Variants in TUBGCP6 observed in about 807,000 individuals in gnomAD.
TUBGCP6 encodes gamma-tubulin complex component 6.
A neutral mutation model predicts 175.8 loss-of-function variants in TUBGCP6; 161 were observed. The ratio of observed to expected loss-of-function variants is 0.92; its 90% confidence interval spans 0.81 to 1.04. The LOEUF (loss-of-function observed/expected upper bound fraction) is 1.04. TUBGCP6 is among the 50% of genes least tolerant of loss of function. TUBGCP6 has a pLI of 0.00. For missense variants in TUBGCP6, 2,572 were observed against 2,433.0 expected (o/e 1.06, Z -1.20); for synonymous variants, 1,173 against 1,030.5 (o/e 1.14, Z -2.65).
At chr22:50,218,163 G>A (rs1447639965) in intron 23 of TUBGCP6, 26 bp downstream of exon 23, 13 of 1,610,022 alleles carry the variant, frequency 8.1e-6, no homozygotes, top group East Asian at 4.5e-5. Context: ...GTGACCACAG[G>A]GACGCAGCCG....
rs62239325 is a variant in TUBGCP6 at position 50,227,658 on chromosome 22, T to C, written c.1412+249A>G. ...ACGCCACATCTCCAGGGACCCTGTG[T>C]GCCAATTAGGCAGGAGCCACCGGAC... On this transcript the variant is annotated intron_variant, in intron 5 of 24. Transcript: ENST00000248846. Among the ~76,000 whole-genome samples, 12,207 of 152,282 alleles carry C rather than the reference T, an allele frequency of 0.08. 610 individuals are homozygous for C. Among genetic ancestry groups the C allele is most frequent in the Admixed American group, 0.11 (1,734 of 15,298 alleles).
In TUBGCP6 at chr22:50,224,322, T is replaced by C; in HGVS notation, c.2154+10A>G. On this transcript the variant is annotated intron_variant, in intron 12 of 24. Transcript: ENST00000248846. ...ACAGGCGTGACCCCGCAGGGACAGG[T>C]CCTACCCACCTCCTGGTCCTTCACA... The C allele has an allele frequency of 3.7e-6, 6 of 1,614,168 alleles. No homozygotes were observed. Among genetic ancestry groups the C allele is most frequent in the Non-Finnish European group, 5.1e-6 (6 of 1,180,028 alleles).
chr22:50,219,663 C>T lies in TUBGCP6; in HGVS notation c.4296G>A (p.Pro1432=), dbSNP rs764384771. 18 of 1,613,558 alleles carry T rather than the reference C, an allele frequency of 1.1e-5. No homozygotes were observed. The highest frequency in any genetic ancestry group is 3.3e-5 in the South Asian group (3 of 91,090). ...LAGQYHLERY[P]DSYESMSEPP... is the part of the protein sequence containing the mutation. ...ACTCACACATGGACTCGTAACTGTC[C>T]GGGTACCGCTCCAAGTGGTACTGCC... Residue 1432 remains proline (P), a synonymous_variant, in exon 18 of 25, where the codon CCG becomes CCA. Coordinates refer to ENST00000248846, the MANE Select transcript of TUBGCP6 (RefSeq NM_020461.4).
rs750769325 is a variant in TUBGCP6 at position 50,240,185 on chromosome 22, G to A, written c.905+19C>T. On this transcript the variant is annotated intron_variant, in intron 2 of 24. Coordinates refer to ENST00000248846, the MANE Select transcript of TUBGCP6 (RefSeq NM_020461.4). Reference sequence around the variant, plus strand: ...CAGGGGTAGGGGCACTGCATGCCAAGGCAAAGAAGGGCACACACCAGCCAA... The same window carrying A: ...CAGGGGTAGGGGCACTGCATGCCAAAGCAAAGAAGGGCACACACCAGCCAA... 1 of 1,612,944 alleles carries A rather than the reference G, an allele frequency of 6.2e-7. No homozygotes were observed. The highest frequency in any genetic ancestry group is 1.7e-5 in the Admixed American group (1 of 60,004).
At position 50,220,568 on chromosome 22, in the gene TUBGCP6, G is replaced by T; in HGVS notation, c.3791C>A (p.Pro1264Gln). 1 of 1,613,656 alleles carries T rather than the reference G, an allele frequency of 6.2e-7. No individual in the cohort carries two copies. Among genetic ancestry groups the T allele is most frequent in the East Asian group, 2.2e-5 (1 of 44,876 alleles). Residue 1264 changes from proline (P) to glutamine (Q), a missense_variant, in exon 16 of 25, where the codon CCA becomes CAA. Pro to Gln is a moderately conservative substitution (Grantham distance 76). Transcript: ENST00000248846. Reference protein sequence around the residue: ...EPVSDVVSTRPRWNTHVPIPP... With the variant: ...EPVSDVVSTRQRWNTHVPIPP... Reference sequence around the variant, plus strand: ...GATGGGTACATGGGTGTTCCACCGTGGCCGGGTGGAAACCACATCCGACAC... The same window carrying T: ...GATGGGTACATGGGTGTTCCACCGTTGCCGGGTGGAAACCACATCCGACAC...
At chr22:50,222,286 C>T (rs2064539832) in intron 14 of TUBGCP6, among the ~76,000 whole-genome samples, 168 bp downstream of exon 14, 1 of 152,194 alleles carries the variant, frequency 6.6e-6, no homozygotes, top group African/African-American at 2.4e-5. Context: ...TCCTCACCAC[C>T]TGTATCTGTG....
intron 2 of TUBGCP6, among the ~76,000 whole-genome samples, chr22:50,235,246 A>G (rs866244458): frequency 6.6e-6 from 1 of 152,088 alleles, no homozygotes; most frequent in South Asian, 2.1e-4. Flanking sequence ...CCATGGCAGC[A>G]TCCACATCCC....
At position 50,235,038 on chromosome 22, in the gene TUBGCP6, C is replaced by T. The variant is rs2064752905; in HGVS notation, c.906-1512G>A. ...AGCATCCACCCCCTGTCCACGGCAG[C>T]ATCAGCCACACCCCTGTCCACAGCA... On this transcript the variant is annotated intron_variant, in intron 2 of 24. Coordinates refer to ENST00000248846, the MANE Select transcript of TUBGCP6 (RefSeq NM_020461.4). Among the ~76,000 whole-genome samples the T allele has an allele frequency of 2.0e-5, 3 of 151,178 alleles. No homozygotes were observed. In the South Asian group the frequency reaches 6.3e-4, roughly 32 times the overall value.
At chr22:50,228,759 T>TC (rs1477548189) in intron 4 of TUBGCP6, among the ~76,000 whole-genome samples, 5 of 151,654 alleles carry the variant, frequency 3.3e-5, no homozygotes, top group Non-Finnish European at 7.4e-5. Context: ...AACCTACACC[T>TC]CACCACATCA....
At position 50,224,242 on chromosome 22, in the gene TUBGCP6, G is replaced by A; in HGVS notation, c.2169C>T (p.Ala723=). 6.2e-7 allele frequency: 1 copy of A among 1,614,132 alleles called. No individual in the cohort carries two copies. The highest frequency in any genetic ancestry group is 8.5e-7 in the Non-Finnish European group (1 of 1,180,044). The stretch of plus-strand genomic sequence containing the variant: ...AGTCATCATCCAGCTCCTCCTGCCT[G>A]GCCGCCTGGCGTCGCTATAAAACAC... ...FVKDQERRQA[A]RQEELDDDFS... The change falls in exon 13 of 25, where the codon GCC becomes GCT. Residue 723 remains alanine, a synonymous_variant. Transcript: ENST00000248846.
intron 1 of TUBGCP6, among the ~76,000 whole-genome samples, chr22:50,242,682 G>A (rs1022169613): frequency 1.3e-5 from 2 of 152,214 alleles, no homozygotes; most frequent in African/African-American, 4.8e-5. Flanking sequence ...AAAGCCTCAG[G>A]CGACAGACAG....
intron 14 of TUBGCP6, 124 bp from the exon 15 acceptor site, chr22:50,222,226 G>T: frequency 8.4e-7 from 1 of 1,189,814 alleles, no homozygotes; most frequent in Non-Finnish European, 1.2e-6. Context: ...GGCTTGTGCT[G>T]GGCTCCAGTG....
Position 50,224,221 on chromosome 22 carries a change from A to G in TUBGCP6, c.2190T>C (p.Asp730=), listed in dbSNP as rs1418830857. The change falls in exon 13 of 25, where the codon GAT becomes GAC. Residue 730 remains aspartate (D), a synonymous_variant. Coordinates refer to ENST00000248846, the MANE Select transcript of TUBGCP6 (RefSeq NM_020461.4). ...RQAARQEELD[D]DFSYARELRD... Reference sequence around the variant, plus strand: ...GGAGTTCACGGGCGTAGCTGAAGTCATCATCCAGCTCCTCCTGCCTGGCCG... The same window carrying G: ...GGAGTTCACGGGCGTAGCTGAAGTCGTCATCCAGCTCCTCCTGCCTGGCCG... 2 of 1,614,160 alleles carry G rather than the reference A, an allele frequency of 1.2e-6. No homozygotes were observed. Among genetic ancestry groups the G allele is most frequent in the Non-Finnish European group, 8.5e-7 (1 of 1,180,040 alleles).
intron 4 of TUBGCP6, among the ~76,000 whole-genome samples, 194 bp downstream of exon 4, chr22:50,229,210 C>T (rs1438778879): frequency 6.6e-6 from 1 of 152,194 alleles, no homozygotes; most frequent in African/African-American, 2.4e-5. Flanking sequence ...CACACATCTG[C>T]CCCAAGTTTC....
At position 50,221,801 on chromosome 22, in the gene TUBGCP6, G is replaced by A. The variant is rs758040143; in HGVS notation, c.2558C>T (p.Pro853Leu). Residue 853 changes from proline (P) to leucine (L), a missense_variant, in exon 16 of 25, where the codon CCT becomes CTT. Pro to Leu is a moderately conservative substitution (Grantham distance 98, BLOSUM62 -3). Transcript: ENST00000248846. ...CDSGSAEQHS[P>L]AWDGWNRPGL... ...TGGCCTGTTCCAGCCATCCCAGGCA[G>A]GCGAGTGTTGCTCTGCAGACCCAGA... 4.0e-6 allele frequency: 6 copies of A among 1,511,804 alleles called. No homozygotes were observed. The South Asian group carries it at 5.4e-5, about 13-fold the overall frequency. 93.6% of individuals were successfully genotyped at this position (1,511,804 alleles called of 1,614,324 possible). A position where few individuals can be genotyped will look rare whatever the true frequency, so the allele number is the denominator to read the frequency against.
Position 50,220,804 on chromosome 22 carries a change from C to T in TUBGCP6, c.3555G>A (p.Trp1185Ter), listed in dbSNP as rs1429923697. 6.2e-7 allele frequency: 1 copy of T among 1,601,252 alleles called. No individual in the cohort carries two copies. The highest frequency in any genetic ancestry group is 8.5e-7 in the Non-Finnish European group (1 of 1,175,696). The change falls in exon 16 of 25, where the codon TGG becomes TGA. Residue 1185 changes from tryptophan (W) to a stop codon, truncating the protein, a stop_gained. Coordinates refer to ENST00000248846, the MANE Select transcript of TUBGCP6 (RefSeq NM_020461.4). LOFTEE classifies it high-confidence loss of function. Reference protein sequence around the residue: ...VSDMAPARPRWNTHGHVSDAS... With the variant: ...VSDMAPARPR ...CATCAGACACGTGTCCATGGGTGTT[C>T]CACCGTGGCCGGGCGGGAGCCATGT...
chr22:50,226,489 G>A, intron 7 of TUBGCP6, 111 bp from the exon 8 acceptor site: 2 of 1,043,216 alleles, frequency 1.9e-6, no homozygotes, highest in East Asian at 2.6e-5. Flanking sequence ...GGCAAGTGGG[G>A]GCGTAGCTGT....
chr22:50,238,673 G>A (rs1428787420), intron 2 of TUBGCP6, among the ~76,000 whole-genome samples: 2 of 151,504 alleles, frequency 1.3e-5, no homozygotes, highest in South Asian at 2.1e-4. Context: ...CAGTAGCTGG[G>A]ACCACAGGCA....
Position 50,222,599 on chromosome 22 carries a change from C to T in TUBGCP6, c.2271-7G>A. Reference sequence around the variant, plus strand: ...GTGGTCGACCAGTGCCTGCCTGAAGCCACACACCAGAGAGGACACGGCCAC... The same window carrying T: ...GTGGTCGACCAGTGCCTGCCTGAAGTCACACACCAGAGAGGACACGGCCAC... On this transcript the variant is annotated splice_region_variant and splice_polypyrimidine_tract_variant and intron_variant, in intron 13 of 24. Coordinates refer to ENST00000248846, the MANE Select transcript of TUBGCP6 (RefSeq NM_020461.4). The T allele has an allele frequency of 2.5e-6, 4 of 1,610,112 alleles. No individual in the cohort carries two copies. The highest frequency in any genetic ancestry group is 3.4e-6 in the Non-Finnish European group (4 of 1,179,946).
Sources: allele counts gnomAD v4.1 joint callset (sites outside exome capture counted in the v4.1 genomes callset), GRCh38; gene constraint gnomAD v4.1.1; transcripts MANE v1.5; gene names NCBI Gene and HGNC (gene_info 2026-07-23, HGNC 2026-07-21).